MBOAT1: variants seen among roughly 807,000 people sequenced by gnomAD.
MBOAT1 encodes the protein membrane bound glycerophospholipid O-acyltransferase 1.
Under a neutral mutation model 64.4 loss-of-function variants are expected in MBOAT1, and 67 were observed. The observed-to-expected ratio is 1.04, with a 90% CI of 0.85 to 1.27. MBOAT1 has a LOEUF of 1.27. Among genes scored for constraint, MBOAT1 ranks in the 50% most tolerant of loss-of-function variants. MBOAT1 has a pLI of 0.00. For missense variants in MBOAT1, 563 were observed against 604.6 expected, an observed-to-expected ratio of 0.93 and a Z score of 0.72; for synonymous variants, 229 against 218.9, an observed-to-expected ratio of 1.05 and a Z score of -0.41.
At chr6:20,151,455 C>T (rs775024929) in intron 2 of MBOAT1, among the ~76,000 whole-genome samples, 193 bp from the exon 3 acceptor site, 2 of 152,182 alleles carry the variant, frequency 1.3e-5, no homozygotes, top group African/African-American at 2.4e-5. Flanking sequence ...TGTATCATAA[C>T]GACACAGTTT....
chr6:20,200,855 C>G (rs1332314495), intron 1 of MBOAT1, among the ~76,000 whole-genome samples: 1 of 152,142 alleles, frequency 6.6e-6, no homozygotes, highest in East Asian at 1.9e-4. Flanking sequence ...ATGTCCGCTG[C>G]TTGAACCTTG....
chr6:20,186,050 G>C (rs1376767760), intron 1 of MBOAT1, among the ~76,000 whole-genome samples: 1 of 152,160 alleles, frequency 6.6e-6, no homozygotes, highest in Non-Finnish European at 1.5e-5. Context: ...CAGCATGGTG[G>C]TGTACACCTG....
intron 1 of MBOAT1, among the ~76,000 whole-genome samples, chr6:20,152,970 C>G (rs1378332452): frequency 1.3e-5 from 2 of 152,124 alleles, no homozygotes; most frequent in African/African-American, 4.8e-5. Flanking sequence ...GTAGCTGGGA[C>G]TACAGGCGCC....
intron 1 of MBOAT1, among the ~76,000 whole-genome samples, chr6:20,204,563 G>T (rs533781475): frequency 6.6e-6 from 1 of 152,298 alleles, no homozygotes; most frequent in South Asian, 2.1e-4. Context: ...TGGCCCTGGT[G>T]GGGAGGGAGG....
At chr6:20,199,489 C>G (rs1763058604) in intron 1 of MBOAT1, among the ~76,000 whole-genome samples, 1 of 152,190 alleles carries the variant, frequency 6.6e-6, no homozygotes, top group African/African-American at 2.4e-5. Flanking sequence ...CTCAACAAGA[C>G]TGAAAGTACC....
chr6:20,189,270 T>G (rs1762738071), intron 1 of MBOAT1, among the ~76,000 whole-genome samples: 1 of 152,210 alleles, frequency 6.6e-6, no homozygotes. Context: ...TACTCTTCAG[T>G]TGAATAAAAA....
At chr6:20,177,383 GCAGTCTTACTTTGTTGTCCAGGC>G (rs1762372750) in intron 1 of MBOAT1, among the ~76,000 whole-genome samples, 1 of 152,062 alleles carries the variant, frequency 6.6e-6, no homozygotes, top group Non-Finnish European at 1.5e-5. Context: ...TTGTAGAGAC[GCAGTCTTACTTTGTTGTCCAGGC>G]CAGTCTTGAA....
chr6:20,146,985 T>C lies in MBOAT1; in HGVS notation c.324-2670A>G, dbSNP rs150570449. Among the ~76,000 whole-genome samples, 548 of 152,266 alleles carry C rather than the reference T, an allele frequency of 3.6e-3. 4 individuals carry two copies. Among genetic ancestry groups the C allele is most frequent in the African/African-American group, 0.012 (510 of 41,554 alleles). On this transcript the variant is annotated intron_variant, in intron 3 of 12. Transcript: ENST00000324607. ...GTGGGAGGGACCCAGTGGGAGGTAA[T>C]TGAATCATGGGGGCGAGTCTTTCCT...
intron 8 of MBOAT1, among the ~76,000 whole-genome samples, chr6:20,124,067 A>C (rs1380750729): frequency 1.3e-5 from 2 of 152,128 alleles, no homozygotes; most frequent in African/African-American, 4.8e-5. Flanking sequence ...AAAAAAAAAG[A>C]AAGCCAGATC....
intron 1 of MBOAT1, among the ~76,000 whole-genome samples, chr6:20,169,115 A>G (rs1277674712): frequency 6.6e-6 from 1 of 152,154 alleles, no homozygotes; most frequent in Non-Finnish European, 1.5e-5. Flanking sequence ...TTATCACCCC[A>G]TAGCCATATA....
chr6:20,177,950 C>A (rs1001792948), intron 1 of MBOAT1, among the ~76,000 whole-genome samples: 7 of 152,120 alleles, frequency 4.6e-5, no homozygotes, highest in African/African-American at 1.7e-4. Flanking sequence ...GAAGCCAGTT[C>A]CCCTAAATTC....
At chr6:20,153,234 A>G (rs1303774103) in intron 1 of MBOAT1, among the ~76,000 whole-genome samples, 2 of 152,212 alleles carry the variant, frequency 1.3e-5, no homozygotes, top group Non-Finnish European at 2.9e-5. Flanking sequence ...TGAATGTAAC[A>G]GAACAAGAAA....
At chr6:20,160,762 A>G (rs1761829538) in intron 1 of MBOAT1, among the ~76,000 whole-genome samples, 1 of 152,154 alleles carries the variant, frequency 6.6e-6, no homozygotes, top group Admixed American at 6.5e-5. Flanking sequence ...TTCCTGTACC[A>G]CAGAACAAAA....
intron 4 of MBOAT1, among the ~76,000 whole-genome samples, chr6:20,140,003 A>G (rs1761124148): frequency 6.6e-6 from 1 of 152,164 alleles, no homozygotes; most frequent in Admixed American, 6.5e-5. Flanking sequence ...TTGACACAGG[A>G]CCAAAGCCTT....
chr6:20,136,042 T>C (rs2457327), intron 4 of MBOAT1, among the ~76,000 whole-genome samples: 20,942 of 152,008 alleles, frequency 0.14, 1,818 homozygotes, highest in East Asian at 0.41. Context: ...CTCCCCACAC[T>C]CCCTGAATGA....
At chr6:20,121,424 T>G (rs1179420153) in intron 8 of MBOAT1, among the ~76,000 whole-genome samples, 1 of 152,162 alleles carries the variant, frequency 6.6e-6, no homozygotes, top group Admixed American at 6.5e-5. Flanking sequence ...GTGTTTCTAC[T>G]GAAGCTACCC....
intron 9 of MBOAT1, among the ~76,000 whole-genome samples, chr6:20,117,817 C>T (rs1056174909): frequency 6.6e-6 from 1 of 152,186 alleles, no homozygotes; most frequent in African/African-American, 2.4e-5. Flanking sequence ...GGATCTGAGA[C>T]TTGGCATTCC....
In MBOAT1 at chr6:20,100,003, C is replaced by G. The variant is rs375041913; in HGVS notation, c.*2283G>C. ...CATATAGCATCCATAAGCTCAACTC[C>G]TAGAGGTTTGACTTCTCCTCATCCC... On this transcript the variant is annotated 3_prime_UTR_variant, in exon 13 of 13. Transcript: ENST00000324607. Among the ~76,000 whole-genome samples, 10 of 152,288 alleles carry G rather than the reference C, an allele frequency of 6.6e-5. No individual in the cohort carries two copies. Among genetic ancestry groups the G allele is most frequent in the African/African-American group, 2.4e-4 (10 of 41,560 alleles).
rs1392621138 is a variant in MBOAT1 at position 20,173,670 on chromosome 6, G to A, written c.100-20901C>T. Reference sequence around the variant, plus strand: ...GAATACCAGGTTTAAATAAGACAGGGCCAGGCATGGTGGCTCACTCCTGTA... The same window carrying A: ...GAATACCAGGTTTAAATAAGACAGGACCAGGCATGGTGGCTCACTCCTGTA... On this transcript the variant is annotated intron_variant, in intron 1 of 12. Transcript: ENST00000324607. Among the ~76,000 whole-genome samples the A allele has an allele frequency of 5.9e-5, 9 of 152,172 alleles. 1 individual carries two copies. Among genetic ancestry groups the A allele is most frequent in the Admixed American group, 5.9e-4 (9 of 15,276 alleles).
Sources: gnomAD v4.1 joint callset for allele counts (sites outside exome capture counted in the v4.1 genomes callset) on GRCh38, gnomAD v4.1.1 for gene constraint, MANE v1.5 for transcripts, NCBI Gene and HGNC (gene_info 2026-07-23, HGNC 2026-07-21) for gene names.